The following CEP350 variants were observed in gnomAD, a reference collection of about 807,000 sequenced individuals.
The protein encoded by CEP350 is centrosomal protein 350, also known as centrosome-associated protein 350.
Under a neutral mutation model 331.8 loss-of-function variants are expected in CEP350, and 126 were observed. That is an observed-to-expected ratio of 0.38 (90% CI 0.33 to 0.44). CEP350 has a LOEUF of 0.44. Among genes scored for constraint, CEP350 ranks in the 20% least tolerant of loss-of-function variants. CEP350 has a pLI of 1.00. For synonymous variants in CEP350, 1,200 were observed against 1,259.5 expected (o/e 0.95, Z 1.00); for missense variants, 3,406 against 3,634.6 (o/e 0.94, Z 1.62).
chr1:180,090,822 C>T, intron 33 of CEP350, 26 bp downstream of exon 33: 1 of 1,518,704 alleles, frequency 6.6e-7, no homozygotes, highest in Non-Finnish European at 8.9e-7. Context: ...AAATAATTAA[C>T]TTGTAGCTAC....
chr1:179,960,930 A>G (rs1463891807), intron 1 of CEP350, among the ~76,000 whole-genome samples: 1 of 152,154 alleles, frequency 6.6e-6, no homozygotes, highest in African/African-American at 2.4e-5. Flanking sequence ...GAAAAAAATA[A>G]CTGGCATACT....
At chr1:180,041,321 TTAA>T in intron 18 of CEP350, 73 bp downstream of exon 18, 1 of 1,091,306 alleles carries the variant, frequency 9.2e-7, no homozygotes, top group Non-Finnish European at 1.3e-6. Flanking sequence ...TAGCGTTCTT[TTAA>T]TTATATAGGA....
intron 1 of CEP350, among the ~76,000 whole-genome samples, chr1:179,982,366 G>A (rs3856048): frequency 0.12 from 18,218 of 152,116 alleles, 1,173 homozygotes; most frequent in South Asian, 0.16. Context: ...CTATCTTTTT[G>A]CATGTAGTTG....
chr1:180,039,129 G>T (rs914943655), intron 17 of CEP350, among the ~76,000 whole-genome samples: 3 of 151,238 alleles, frequency 2.0e-5, no homozygotes, highest in Non-Finnish European at 4.4e-5. Context: ...TGGGCGTGGT[G>T]GGGGGGTGGG....
chr1:180,097,694 A>G (rs1441950086), intron 36 of CEP350, among the ~76,000 whole-genome samples: 2 of 152,232 alleles, frequency 1.3e-5, no homozygotes. Flanking sequence ...TAATTTTAAT[A>G]TTGACATAAC....
At chr1:180,040,862 C>G (rs1571908869) in intron 17 of CEP350, among the ~76,000 whole-genome samples, 2 of 152,160 alleles carry the variant, frequency 1.3e-5, no homozygotes, top group Admixed American at 1.3e-4. Flanking sequence ...GGTGCTATAG[C>G]CTTTGCTTTC....
chr1:179,997,436 G>A (rs1472236372), intron 6 of CEP350, among the ~76,000 whole-genome samples: 1 of 151,820 alleles, frequency 6.6e-6, no homozygotes, highest in Admixed American at 6.6e-5. Context: ...CCAACTGCTC[G>A]GGAGGCTGAG....
intron 25 of CEP350, among the ~76,000 whole-genome samples, chr1:180,056,728 C>T (rs1032009615): frequency 6.6e-6 from 1 of 152,058 alleles, no homozygotes; most frequent in Non-Finnish European, 1.5e-5. Flanking sequence ...TCCCAGAGTA[C>T]TAGGATTACA....
intron 16 of CEP350, among the ~76,000 whole-genome samples, chr1:180,035,650 A>G (rs374422071): frequency 1.2e-4 from 19 of 152,336 alleles, no homozygotes; most frequent in African/African-American, 4.1e-4. Context: ...TTCTAAGCCC[A>G]CTGTTGAGAC....
intron 14 of CEP350, among the ~76,000 whole-genome samples, chr1:180,029,257 T>A (rs2148869395): frequency 6.6e-6 from 1 of 152,304 alleles, no homozygotes; most frequent in South Asian, 2.1e-4. Flanking sequence ...TGTAGGCCTT[T>A]CTTGCACAGA....
intron 12 of CEP350, among the ~76,000 whole-genome samples, chr1:180,021,645 G>A (rs1245473866): frequency 1.4e-5 from 2 of 147,162 alleles, no homozygotes; most frequent in Non-Finnish European, 3.0e-5. Context: ...GCGACAGAGC[G>A]AGACTCCTCA....
intron 28 of CEP350, among the ~76,000 whole-genome samples, chr1:180,077,671 T>A (rs116712153): frequency 0.012 from 1,173 of 96,806 alleles, no homozygotes; most frequent in Middle Eastern, 0.027. Flanking sequence ...TCTCAAAAAG[T>A]AAAAAAAAAA....
intron 1 of CEP350, among the ~76,000 whole-genome samples, chr1:179,959,958 G>T (rs555492911): frequency 6.6e-6 from 1 of 152,096 alleles, no homozygotes; most frequent in South Asian, 2.1e-4. Context: ...ACTTAATGTT[G>T]TCCATAAGTA....
In CEP350 at chr1:180,041,720, T is replaced by A. The variant is rs370145199; in HGVS notation, c.4280T>A (p.Leu1427Gln). The change falls in exon 19 of 38, where the codon CTG (leucine) becomes CAG (glutamine). Residue 1427 changes from leucine to glutamine, a missense_variant. Leu to Gln is a moderately radical substitution (Grantham distance 113, BLOSUM62 -2). This residue lies in a region of CEP350 where 1,857 missense variants were observed against 1,909.2 expected (regional missense o/e 0.97). Coordinates refer to ENST00000367607, the MANE Select transcript of CEP350 (RefSeq NM_014810.5). ...TCACAACGGGAAGTAACTGAAGTCC[T>A]GCAGGAAGCAACGTGTAAAATAGCA... ...VQSQREVTEV[L>Q]QEATCKIAAQ... 36 of 1,613,560 alleles carry A rather than the reference T, an allele frequency of 2.2e-5. No homozygotes were observed. The African/African-American group carries it at 4.7e-4, about 21-fold the overall frequency.
chr1:180,095,859 C>T lies in CEP350; in HGVS notation c.8848C>T (p.Pro2950Ser), dbSNP rs200476855. Residue 2950 changes from proline to serine, a missense_variant, in exon 35 of 38, where the codon CCT becomes TCT. Transcript: ENST00000367607. ...CCACGATCTTCATAGCATCAGTATT[C>T]CTACAAAACTGCTTGGCTGTGCCAG... ...LGHDLHSISI[P>S]TKLLGCASKG... 7.5e-5 allele frequency: 121 copies of T among 1,613,498 alleles called. No homozygotes were observed. The East Asian group carries it at 2.6e-3, about 34-fold the overall frequency.
chr1:179,991,643 A>AAACTG (rs1653072258), intron 4 of CEP350, among the ~76,000 whole-genome samples: 1 of 146,082 alleles, frequency 6.8e-6, no homozygotes. Flanking sequence ...CTCTCTACCT[A>AAACTG]AACTGTGATA....
chr1:179,979,567 A>G (rs1038181407), intron 1 of CEP350, among the ~76,000 whole-genome samples: 2 of 151,446 alleles, frequency 1.3e-5, no homozygotes, highest in African/African-American at 4.8e-5. Context: ...CCATTTGTTA[A>G]TTTTTGCTTT....
At position 180,054,470 on chromosome 1, in the gene CEP350, C is replaced by T. The variant is rs1416558863; in HGVS notation, c.5230C>T (p.Arg1744Cys). 6.2e-7 allele frequency: 1 copy of T among 1,602,092 alleles called. No homozygotes were observed. Among genetic ancestry groups the T allele is most frequent in the Non-Finnish European group, 8.5e-7 (1 of 1,174,116 alleles). Reference protein sequence around the residue: ...DKMPPLRKKQRGLLLRLQQEK... With the variant: ...DKMPPLRKKQCGLLLRLQQEK... ...AATGCCCCCGCTCCGGAAGAAACAG[C>T]GTGGTTTGCTTTTAAGGTTGCAGCA... The change falls in exon 25 of 38, where the codon CGT becomes TGT. Residue 1744 changes from arginine to cysteine, a missense_variant. By Grantham distance (180) the Arg-to-Cys change is radical. Coordinates refer to ENST00000367607, the MANE Select transcript of CEP350 (RefSeq NM_014810.5).
chr1:180,073,851 T>C, intron 27 of CEP350: 2 of 1,304,638 alleles, frequency 1.5e-6, no homozygotes, highest in Non-Finnish European at 2.0e-6. Flanking sequence ...TCTCTCAGTG[T>C]CTGTTTTCCC....
Sources: allele counts gnomAD v4.1 joint callset (sites outside exome capture counted in the v4.1 genomes callset), GRCh38; gene constraint gnomAD v4.1.1; regional missense constraint gnomAD v4.1.1; transcripts MANE v1.5; gene names NCBI Gene and HGNC (gene_info 2026-07-23, HGNC 2026-07-21).